The following CPNE4 variants were observed in gnomAD, a reference collection of about 807,000 sequenced individuals.
The protein encoded by CPNE4 is copine-4.
Under a neutral mutation model 67.9 loss-of-function variants are expected in CPNE4, and 25 were observed. The ratio of observed to expected loss-of-function variants is 0.37; its 90% CI spans 0.27 to 0.51. CPNE4 has a LOEUF of 0.51. Ranked by LOEUF, CPNE4 falls within the 20% of genes least tolerant of loss-of-function variation. The probability of loss-of-function intolerance (pLI) is 0.93; values close to 1 mark genes in which losing one functional copy is unlikely to be tolerated. For synonymous variants in CPNE4, 242 were observed against 244.9 expected (o/e 0.99, Z 0.11); for missense variants, 464 against 690.8 (o/e 0.67, Z 3.68).
chr3:131,863,456 C>T (rs1307349179), intron 2 of CPNE4, among the ~76,000 whole-genome samples: 1 of 152,176 alleles, frequency 6.6e-6, no homozygotes, highest in Non-Finnish European at 1.5e-5. Context: ...TCTCTGATGG[C>T]CAGTGATGAT....
At chr3:131,757,357 C>T (rs986596732) in intron 2 of CPNE4, among the ~76,000 whole-genome samples, 1 of 152,070 alleles carries the variant, frequency 6.6e-6, no homozygotes, top group Non-Finnish European at 1.5e-5. Flanking sequence ...CTGGAACAAA[C>T]GTGACTTTTG....
chr3:131,727,144 A>G (rs2082019025), intron 2 of CPNE4, among the ~76,000 whole-genome samples: 1 of 152,256 alleles, frequency 6.6e-6, no homozygotes, highest in Admixed American at 6.5e-5. Context: ...ATTGAATGTC[A>G]GAGTGGGCAC....
At chr3:131,624,942 A>G (rs2079035814) in intron 7 of CPNE4, among the ~76,000 whole-genome samples, 1 of 152,178 alleles carries the variant, frequency 6.6e-6, no homozygotes, top group African/African-American at 2.4e-5. Flanking sequence ...GATATTTTCA[A>G]AATGGTGTTT....
At chr3:131,871,198 C>T (rs2087185229) in intron 2 of CPNE4, among the ~76,000 whole-genome samples, 2 of 152,098 alleles carry the variant, frequency 1.3e-5, no homozygotes, top group African/African-American at 4.8e-5. Flanking sequence ...CTATCTCTTC[C>T]AAGCTGATGG....
intron 2 of CPNE4, among the ~76,000 whole-genome samples, chr3:131,898,411 T>C (rs954886260): frequency 4.6e-5 from 7 of 152,108 alleles, no homozygotes; most frequent in African/African-American, 1.7e-4. Flanking sequence ...GCTAATGTCA[T>C]GTTTTACTCT....
chr3:131,558,630 A>G (rs1936595925), intron 11 of CPNE4, among the ~76,000 whole-genome samples: 1 of 152,004 alleles, frequency 6.6e-6, no homozygotes, highest in Non-Finnish European at 1.5e-5. Flanking sequence ...CAGATGGAAG[A>G]TTTATTTTTA....
intron 9 of CPNE4, among the ~76,000 whole-genome samples, chr3:131,578,156 G>T (rs1051676688): frequency 1.3e-5 from 2 of 152,034 alleles, no homozygotes; most frequent in Non-Finnish European, 2.9e-5. Flanking sequence ...AATACTATTG[G>T]TGCCATTTTC....
intron 6 of CPNE4, among the ~76,000 whole-genome samples, chr3:131,674,069 G>T (rs114942196): frequency 6.6e-6 from 1 of 151,912 alleles, no homozygotes; most frequent in Non-Finnish European, 1.5e-5. Context: ...TAATTGAAAT[G>T]AGCATATGAT....
chr3:131,690,982 T>C (rs2081020219), intron 5 of CPNE4, among the ~76,000 whole-genome samples: 1 of 152,004 alleles, frequency 6.6e-6, no homozygotes, highest in Non-Finnish European at 1.5e-5. Flanking sequence ...GTGAGAGAAA[T>C]GCAAATCAAA....
chr3:131,902,243 C>T (rs552125726), intron 2 of CPNE4, among the ~76,000 whole-genome samples: 2 of 152,072 alleles, frequency 1.3e-5, no homozygotes, highest in East Asian at 1.9e-4. Flanking sequence ...TAAAGGAAGC[C>T]GTGAATCAAT....
chr3:131,943,306 C>A (rs1266197669), intron 1 of CPNE4, among the ~76,000 whole-genome samples: 3 of 152,068 alleles, frequency 2.0e-5, no homozygotes, highest in Non-Finnish European at 4.4e-5. Flanking sequence ...TCAAGCTTTA[C>A]TGCAAATGGG....
intron 2 of CPNE4, among the ~76,000 whole-genome samples, chr3:131,810,393 T>C (rs545239489): frequency 1.3e-5 from 2 of 151,896 alleles, no homozygotes; most frequent in East Asian, 1.9e-4. Flanking sequence ...AATAACCTGA[T>C]TGTAAAATGG....
At chr3:131,719,156 G>C (rs2081817064) in intron 3 of CPNE4, among the ~76,000 whole-genome samples, 1 of 152,212 alleles carries the variant, frequency 6.6e-6, no homozygotes, top group Non-Finnish European at 1.5e-5. Context: ...GTCACTTGCT[G>C]CTCATTTGCT....
At chr3:131,548,759 T>C (rs1191122891) in intron 14 of CPNE4, among the ~76,000 whole-genome samples, 4 of 152,164 alleles carry the variant, frequency 2.6e-5, no homozygotes, top group Admixed American at 6.5e-5. Context: ...TTAGATCCTA[T>C]AATGTCTTCT....
At chr3:131,867,993 A>G (rs1323561589) in intron 2 of CPNE4, among the ~76,000 whole-genome samples, 1 of 152,030 alleles carries the variant, frequency 6.6e-6, no homozygotes, top group Non-Finnish European at 1.5e-5. Context: ...TCAATCTTTA[A>G]TTTTTCTGCA....
intron 2 of CPNE4, among the ~76,000 whole-genome samples, chr3:131,835,761 A>G (rs2085532188): frequency 6.6e-6 from 1 of 151,998 alleles, no homozygotes; most frequent in Non-Finnish European, 1.5e-5. Context: ...AGCCCTATTA[A>G]CCTACCCCTT....
chr3:131,879,486 G>T (rs889276948), intron 2 of CPNE4, among the ~76,000 whole-genome samples: 2 of 152,122 alleles, frequency 1.3e-5, no homozygotes, highest in African/African-American at 4.8e-5. Context: ...GGCTGTATCA[G>T]GGTTATTCTT....
At chr3:131,900,518 G>C (rs1279950906) in intron 2 of CPNE4, among the ~76,000 whole-genome samples, 1 of 152,048 alleles carries the variant, frequency 6.6e-6, no homozygotes, top group African/African-American at 2.4e-5. Flanking sequence ...AAAGATTTAA[G>C]TCAAGATTTC....
chr3:132,013,086 A>G (rs2073809863), intron 1 of CPNE4, among the ~76,000 whole-genome samples: 1 of 152,088 alleles, frequency 6.6e-6, no homozygotes, highest in South Asian at 2.1e-4. Context: ...AGCCAGGCAT[A>G]GGGGTGGACG....
Sources: allele counts gnomAD v4.1 joint callset (sites outside exome capture counted in the v4.1 genomes callset), GRCh38; gene constraint gnomAD v4.1.1; transcripts MANE v1.5; gene names NCBI Gene and HGNC (gene_info 2026-07-23, HGNC 2026-07-21).